Variants in SH2D7 observed in about 807,000 individuals in gnomAD.
SH2D7 encodes the protein SH2 domain containing 7.
A neutral mutation model predicts 40.8 loss-of-function variants in SH2D7; 32 were observed. The ratio of observed to expected loss-of-function variants is 0.78; its 90% confidence interval spans 0.59 to 1.05. SH2D7 has a LOEUF of 1.05. Ranked by LOEUF, SH2D7 falls within the 50% of genes least tolerant of loss-of-function variation. The pLI, the probability that SH2D7 is intolerant of heterozygous loss-of-function variation, is 0.00. For missense variants in SH2D7, 559 were observed against 566.6 expected (o/e 0.99, Z 0.14); for synonymous variants, 195 against 221.5 (o/e 0.88, Z 1.06).
Position 78,103,778 on chromosome 15 carries a change from G to C in SH2D7, c.*263G>C, listed in dbSNP as rs1453351925. ...CACAGGAGGGACTGGAGAGGAATGA[G>C]ATTGGCCAAAGGCAGGGGTCACCAC... On this transcript the variant is annotated 3_prime_UTR_variant, in exon 6 of 6. Transcript: ENST00000328828. 1 of 486,496 alleles carries C rather than the reference G, an allele frequency of 2.1e-6. No individual in the cohort carries two copies. Among genetic ancestry groups the C allele is most frequent in the East Asian group, 3.7e-5 (1 of 27,356 alleles). The allele number at this position is 486,496 out of a possible 1,614,324, so 30.1% of individuals were successfully genotyped here.
chr15:78,093,758 G>A (rs1324225438), intron 1 of SH2D7, among the ~76,000 whole-genome samples: 1 of 152,252 alleles, frequency 6.6e-6, no homozygotes, highest in East Asian at 1.9e-4. Context: ...ATCTCCAGCT[G>A]TGTGGATTTA....
At chr15:78,092,528 C>T (rs563918778), upstream of SH2D7, 6 of 1,497,794 alleles carry the variant, frequency 4.0e-6, no homozygotes, top group Admixed American at 2.1e-5. Context: ...AGAGCACACG[C>T]AGATATAGAG....
intron 4 of SH2D7, among the ~76,000 whole-genome samples, chr15:78,100,237 C>A (rs984987902): frequency 2.6e-5 from 4 of 152,170 alleles, no homozygotes. Flanking sequence ...AAATATTTGT[C>A]AAATGAGTGA....
chr15:78,103,205 G>A (rs1020489293), intron 5 of SH2D7, among the ~76,000 whole-genome samples: 1 of 152,170 alleles, frequency 6.6e-6, no homozygotes, highest in African/African-American at 2.4e-5. Context: ...GTAAGGTGAG[G>A]CTCGCCACCC....
chr15:78,101,508 T>C lies in SH2D7; in HGVS notation c.1255T>C (p.Tyr419His), dbSNP rs2074016839. ...AGAGCTCTCAGAGCCTGGGAACACC[T>C]ATGAACAGATCCCAGCAACCAAGAG... The part of the protein sequence containing the change: ...TPELSEPGNT[Y>H]EQIPATKSKE... The change falls in exon 5 of 6, where the codon TAT becomes CAT. Residue 419 changes from tyrosine (Y) to histidine (H), a missense_variant. Coordinates refer to ENST00000328828, the MANE Select transcript of SH2D7 (RefSeq NM_001101404.2). The C allele has an allele frequency of 6.2e-7, 1 of 1,610,410 alleles. No homozygotes were observed. The highest frequency in any genetic ancestry group is 8.5e-7 in the Non-Finnish European group (1 of 1,178,754).
At chr15:78,096,918 A>G (rs1461351952) in intron 2 of SH2D7, among the ~76,000 whole-genome samples, 1 of 152,168 alleles carries the variant, frequency 6.6e-6, no homozygotes, top group African/African-American at 2.4e-5. Flanking sequence ...GTACATATTC[A>G]CCAAAAGATA....
In SH2D7 at chr15:78,103,591, G is replaced by A; in HGVS notation, c.*76G>A. 6.6e-7 allele frequency: 1 copy of A among 1,516,550 alleles called. No individual in the cohort carries two copies. Among genetic ancestry groups the A allele is most frequent in the Non-Finnish European group, 8.9e-7 (1 of 1,118,624 alleles). The allele number at this position is 1,516,550 out of a possible 1,614,324, so 93.9% of individuals were successfully genotyped here. On this transcript the variant is annotated 3_prime_UTR_variant, in exon 6 of 6. Coordinates refer to ENST00000328828, the MANE Select transcript of SH2D7 (RefSeq NM_001101404.2). ...GCCAGGGGTTATCGCAAAGGCCTCA[G>A]CTCACTTGAAGGCACCCTTTGGATC...
At position 78,103,975 on chromosome 15, in the gene SH2D7, G is replaced by A; in HGVS notation, c.*460G>A. ...GAGAACAAAACCAGTTCCCCTCCTT[G>A]CGGCCCCATCAGCGAAAAGGAGGGG... On this transcript the variant is annotated 3_prime_UTR_variant, in exon 6 of 6. Coordinates refer to ENST00000328828, the MANE Select transcript of SH2D7 (RefSeq NM_001101404.2). 6.5e-6 allele frequency: 1 copy of A among 152,932 alleles called. No homozygotes were observed. Among genetic ancestry groups the A allele is most frequent in the East Asian group, 1.9e-4 (1 of 5,214 alleles). The allele number at this position is 152,932 out of a possible 1,614,324, so 9.5% of individuals were successfully genotyped here. A position where few individuals can be genotyped will look rare whatever the true frequency, so the allele number is the denominator to read the frequency against.
Position 78,103,474 on chromosome 15 carries a change from C to A in SH2D7, c.1315C>A (p.Leu439Ile). The A allele has an allele frequency of 1.3e-6, 2 of 1,561,058 alleles. No individual in the cohort carries two copies. The highest frequency in any genetic ancestry group is 2.4e-5 in the East Asian group (1 of 41,810). The stretch of plus-strand genomic sequence containing the variant: ...TCCTCCTTCCTTGCAGCCTGACAAG[C>A]TTCGGAGGCTCTTCTTCACGTACAG... ...ETGRTHKPDKLRRLFFTYRKH... is the reference protein window; with the variant it reads ...ETGRTHKPDKIRRLFFTYRKH... Residue 439 changes from leucine (L) to isoleucine (I), a missense_variant, in exon 6 of 6, where the codon CTT becomes ATT. Leu to Ile is a conservative substitution (Grantham distance 5). Coordinates refer to ENST00000328828, the MANE Select transcript of SH2D7 (RefSeq NM_001101404.2).
At chr15:78,100,829 AGAGT>A in intron 4 of SH2D7, 66 bp from the exon 5 acceptor site, 5 of 1,552,400 alleles carry the variant, frequency 3.2e-6, no homozygotes, top group Non-Finnish European at 4.4e-6. Context: ...CTTATCTGAG[AGAGT>A]TTTTACTGGA....
At chr15:78,092,806 T>A in intron 1 of SH2D7, 46 bp downstream of exon 1, 1 of 1,544,854 alleles carries the variant, frequency 6.5e-7, no homozygotes, top group Non-Finnish European at 8.8e-7. Context: ...CACAGCCCCT[T>A]GGGGCTGAGA....
rs751468728 is a variant in SH2D7 at position 78,101,425 on chromosome 15, G to C, written c.1172G>C (p.Gly391Ala). 6.2e-7 allele frequency: 1 copy of C among 1,613,334 alleles called. No individual in the cohort carries two copies. Among genetic ancestry groups the C allele is most frequent in the South Asian group, 1.1e-5 (1 of 90,994 alleles). Residue 391 changes from glycine to alanine, a missense_variant, in exon 5 of 6, where the codon GGG (glycine) becomes GCG (alanine). Coordinates refer to ENST00000328828, the MANE Select transcript of SH2D7 (RefSeq NM_001101404.2). ...WGGPARAPHPGASPTYSPWVH... is the reference protein window; with the variant it reads ...WGGPARAPHPAASPTYSPWVH... ...GGCCCAGCCAGGGCCCCACATCCTG[G>C]GGCCAGTCCCACATATAGCCCATGG...
At position 78,098,310 on chromosome 15, in the gene SH2D7, G is replaced by T. The variant is rs139683033; in HGVS notation, c.433-74G>T. 1.7e-4 allele frequency: 257 copies of T among 1,549,120 alleles called. 1 individual carries two copies. In the African/African-American group the frequency reaches 3.1e-3, roughly 19 times the overall value. Reference sequence around the variant, plus strand: ...GTGGGAATGTTGCAGTCTCTTACCAGCAGTCTCAGGCAGGCAGCTGGAGAC... The same window carrying T: ...GTGGGAATGTTGCAGTCTCTTACCATCAGTCTCAGGCAGGCAGCTGGAGAC... On this transcript the variant is annotated intron_variant, in intron 3 of 5. Transcript: ENST00000328828.
chr15:78,101,592 C>T (rs772944395), intron 5 of SH2D7, 34 bp downstream of exon 5: 1 of 1,524,144 alleles, frequency 6.6e-7, no homozygotes, highest in South Asian at 1.3e-5. Context: ...CGGCTCCCAG[C>T]CCTTAGAGAG....
At chr15:78,098,284 G>T in intron 3 of SH2D7, 100 bp from the exon 4 acceptor site, 1 of 1,463,990 alleles carries the variant, frequency 6.8e-7, no homozygotes, top group South Asian at 1.2e-5. Context: ...TCAGAGACCT[G>T]GTGGGAATGT....
upstream of SH2D7, chr15:78,092,538 G>C (rs2073945871): frequency 6.6e-7 from 1 of 1,520,298 alleles, no homozygotes; most frequent in Admixed American, 2.0e-5. Context: ...CAGATATAGA[G>C]GCATGTGCAC....
chr15:78,093,259 C>T (rs2073950603), intron 1 of SH2D7, among the ~76,000 whole-genome samples: 1 of 152,200 alleles, frequency 6.6e-6, no homozygotes, highest in South Asian at 2.1e-4. Context: ...CCAGCCAGTC[C>T]TTAGGTCCTG....
In SH2D7 at chr15:78,098,403, A is replaced by G. The variant is rs199725031; in HGVS notation, c.452A>G (p.Tyr151Cys). 1.2e-6 allele frequency: 2 copies of G among 1,613,664 alleles called. No homozygotes were observed. The highest frequency in any genetic ancestry group is 1.3e-5 in the African/African-American group (1 of 75,004). The change falls in exon 4 of 6, where the codon TAT (tyrosine) becomes TGT (cysteine). Residue 151 changes from tyrosine to cysteine, a missense_variant. By Grantham distance (194) the Tyr-to-Cys change is radical. Transcript: ENST00000328828. ...TCCCAGCCAGAGGACAATGATCTGT[A>G]TGATGCCATCACCCGGGGCCTCCAC... ...ACPRPEDNDL[Y>C]DAITRGLHQT...
upstream of SH2D7, among the ~76,000 whole-genome samples, chr15:78,091,962 T>C (rs2073942935): frequency 6.6e-6 from 1 of 152,250 alleles, no homozygotes; most frequent in Non-Finnish European, 1.5e-5. Flanking sequence ...TGCCTTTGTC[T>C]TGGAGTGCTT....
Sources: allele counts gnomAD v4.1 joint callset (sites outside exome capture counted in the v4.1 genomes callset), GRCh38; gene constraint gnomAD v4.1.1; transcripts MANE v1.5; gene names NCBI Gene and HGNC (gene_info 2026-07-23, HGNC 2026-07-21).